PSMF1: variants seen among roughly 807,000 people sequenced by gnomAD.
PSMF1 encodes proteasome inhibitor PI31 subunit.
In PSMF1, 30 loss-of-function variants were observed where a neutral mutation model predicts 29.3. The ratio of observed to expected loss-of-function variants is 1.02; its 90% CI spans 0.77 to 1.39. The LOEUF (loss-of-function observed/expected upper bound fraction) is 1.39. PSMF1 is among the 40% of genes most tolerant of loss of function. The probability of loss-of-function intolerance (pLI) is 0.00; values close to 1 mark genes in which losing one functional copy is unlikely to be tolerated. For synonymous variants in PSMF1, 134 were observed against 139.7 expected, an observed-to-expected ratio of 0.96 and a Z score of 0.29; for missense variants, 344 against 357.5, an observed-to-expected ratio of 0.96 and a Z score of 0.31.
At position 1,164,235 on chromosome 20, in the gene PSMF1, T is replaced by C; in HGVS notation, c.606-83T>C. ...TCCAGAGTAGACATCCCAGCCATTC[T>C]TGGTGCATTGTAACCTCCCTCGCCT... On this transcript the variant is annotated intron_variant, in intron 5 of 6. Coordinates refer to ENST00000335877, the MANE Select transcript of PSMF1 (RefSeq NM_006814.5). The surrounding 1 kb of genome is among the most constrained non-coding windows in gnomAD (Gnocchi z 4.1). The C allele has an allele frequency of 1.5e-6, 2 of 1,377,434 alleles. No homozygotes were observed. The highest frequency in any genetic ancestry group is 1.0e-6 in the Non-Finnish European group (1 of 970,662). 85.3% of individuals were successfully genotyped at this position (1,377,434 alleles called of 1,614,324 possible).
chr20:1,118,843 T>A lies in PSMF1; in HGVS notation c.70T>A (p.Cys24Ser). The change falls in exon 1 of 7, where the codon TGC becomes AGC. Residue 24 changes from cysteine (C) to serine (S), a missense_variant. Coordinates refer to ENST00000335877, the MANE Select transcript of PSMF1 (RefSeq NM_006814.5). ...CACCTGCAGGCAGGACGCGCTCGTC[T>A]GCTTCTTGCATTGGGAAGTGGTGAC... ...AITCRQDALV[C>S]FLHWEVVTHG... The A allele has an allele frequency of 6.2e-7, 1 of 1,613,956 alleles. No individual in the cohort carries two copies. Among genetic ancestry groups the A allele is most frequent in the Non-Finnish European group, 8.5e-7 (1 of 1,179,788 alleles).
intron 4 of PSMF1, among the ~76,000 whole-genome samples, chr20:1,139,206 A>G (rs767770021): frequency 3.3e-5 from 5 of 152,130 alleles, no homozygotes; most frequent in African/African-American, 4.8e-5. Flanking sequence ...ACAACAAAAA[A>G]CAACAATAGA....
chr20:1,113,718 C>T (rs1323360353), upstream of PSMF1, among the ~76,000 whole-genome samples: 1 of 151,762 alleles, frequency 6.6e-6, no homozygotes, highest in African/African-American at 2.4e-5. Flanking sequence ...TTTGAGACGG[C>T]GTCTCGCTCT....
intron 4 of PSMF1, among the ~76,000 whole-genome samples, chr20:1,136,702 A>T (rs2086311639): frequency 6.6e-6 from 1 of 152,234 alleles, no homozygotes; most frequent in South Asian, 2.1e-4. Context: ...TGTATGTGGA[A>T]TTATCTTGAA....
chr20:1,118,836 G>T lies in PSMF1; in HGVS notation c.63G>T (p.Ala21=), dbSNP rs762508819. The T allele has an allele frequency of 2.1e-5, 34 of 1,613,496 alleles. No individual in the cohort carries two copies. The highest frequency in any genetic ancestry group is 2.9e-5 in the Non-Finnish European group (34 of 1,179,548). ...CGGCCATCACCTGCAGGCAGGACGC[G>T]CTCGTCTGCTTCTTGCATTGGGAAG... ...AAPAITCRQD[A]LVCFLHWEVV... The change falls in exon 1 of 7, where the codon GCG becomes GCT. Residue 21 remains alanine (A), a synonymous_variant. Coordinates refer to ENST00000335877, the MANE Select transcript of PSMF1 (RefSeq NM_006814.5).
At position 1,166,238 on chromosome 20, in the gene PSMF1, A is replaced by C. The variant is rs762146678; in HGVS notation, c.*1158A>C. 6.2e-7 allele frequency: 1 copy of C among 1,612,406 alleles called. No homozygotes were observed. On this transcript the variant is annotated 3_prime_UTR_variant, in exon 7 of 7. Transcript: ENST00000335877. Reference sequence around the variant, plus strand: ...CGGATCCTTTTCAGCCCGAGGCCTGACAGACGCGGGCAGTGATGAGCCCTG... The same window carrying C: ...CGGATCCTTTTCAGCCCGAGGCCTGCCAGACGCGGGCAGTGATGAGCCCTG...
chr20:1,139,459 C>T (rs957607002), intron 4 of PSMF1, among the ~76,000 whole-genome samples: 8 of 152,050 alleles, frequency 5.3e-5, no homozygotes, highest in African/African-American at 1.4e-4. Context: ...TTGTCAATGA[C>T]GTGATATCTT....
chr20:1,154,028 T>A (rs1167723682), intron 4 of PSMF1, among the ~76,000 whole-genome samples: 1 of 152,236 alleles, frequency 6.6e-6, no homozygotes, highest in Non-Finnish European at 1.5e-5. Context: ...AGTAAATTTT[T>A]AAAATTTGCT....
At chr20:1,145,973 CTG>C (rs1339727666) in intron 4 of PSMF1, among the ~76,000 whole-genome samples, 1 of 152,132 alleles carries the variant, frequency 6.6e-6, no homozygotes, top group East Asian at 1.9e-4. Context: ...TTTCTTTGCT[CTG>C]TGTTTTCACC....
At position 1,119,003 on chromosome 20, in the gene PSMF1, C is replaced by T. The variant is rs2086047653; in HGVS notation, c.129+101C>T. ...AGAGCGCCCGATTTCCCCGCTTCTC[C>T]CAGTGCAGGGTCTGGGGCAGATGGC... On this transcript the variant is annotated intron_variant, in intron 1 of 6. Coordinates refer to ENST00000335877, the MANE Select transcript of PSMF1 (RefSeq NM_006814.5). The T allele has an allele frequency of 5.4e-6, 8 of 1,475,660 alleles. No individual in the cohort carries two copies. In the South Asian group the frequency reaches 1.0e-4, roughly 18 times the overall value. 91.4% of individuals were successfully genotyped at this position (1,475,660 alleles called of 1,614,324 possible).
chr20:1,138,383 G>T (rs1600153884), intron 4 of PSMF1, among the ~76,000 whole-genome samples: 1 of 152,072 alleles, frequency 6.6e-6, no homozygotes, highest in African/African-American at 2.4e-5. Context: ...GAGGCCAGGC[G>T]CCCGGTGGCT....
chr20:1,163,297 G>A lies in PSMF1; in HGVS notation c.605+114G>A, dbSNP rs1220186570. ...CAGTCTCTTCCTTTGGGGTGGAGGAGGCAGTTGTTGCTGAGCAGCTGAGAA... is the reference window on the plus strand; with the variant it reads ...CAGTCTCTTCCTTTGGGGTGGAGGAAGCAGTTGTTGCTGAGCAGCTGAGAA... On this transcript the variant is annotated intron_variant, in intron 5 of 6. Coordinates refer to ENST00000335877, the MANE Select transcript of PSMF1 (RefSeq NM_006814.5). The surrounding 1 kb of genome is among the most constrained non-coding windows in gnomAD (Gnocchi z 6.1). 2 of 1,215,570 alleles carry A rather than the reference G, an allele frequency of 1.6e-6. No homozygotes were observed. The highest frequency in any genetic ancestry group is 2.4e-6 in the Non-Finnish European group (2 of 846,542). The allele number at this position is 1,215,570 out of a possible 1,614,324, so 75.3% of individuals were successfully genotyped here.
chr20:1,125,513 A>G lies in PSMF1; in HGVS notation c.145A>G (p.Lys49Glu), dbSNP rs1332773831. The change falls in exon 2 of 7, where the codon AAG becomes GAG. Residue 49 changes from lysine (K) to glutamate (E), a missense_variant. Lys to Glu is a moderately conservative substitution (Grantham distance 56). Coordinates refer to ENST00000335877, the MANE Select transcript of PSMF1 (RefSeq NM_006814.5). ...GTCTTCCCAGCCGGGTCCCAATGAT[A>G]AGAAGTCAGAACTGCTGCCAGCTGG... Reference protein sequence around the residue: ...GVGDQPGPNDKKSELLPAGWN... With the variant: ...GVGDQPGPNDEKSELLPAGWN... 8.7e-6 allele frequency: 14 copies of G among 1,609,868 alleles called. No individual in the cohort carries two copies. The highest frequency in any genetic ancestry group is 1.3e-5 in the African/African-American group (1 of 74,744).
At chr20:1,156,348 A>AAAGAAAGT (rs1457853922) in intron 4 of PSMF1, among the ~76,000 whole-genome samples, 2 of 152,206 alleles carry the variant, frequency 1.3e-5, no homozygotes, top group Non-Finnish European at 2.9e-5. Flanking sequence ...AGAAGTCTTT[A>AAAGAAAGT]AAGAAAGTAA....
In PSMF1 at chr20:1,127,467, G is replaced by C. The variant is rs774126130; in HGVS notation, c.324G>C (p.Leu108Phe). The C allele has an allele frequency of 6.2e-7, 1 of 1,609,108 alleles. No homozygotes were observed. The highest frequency in any genetic ancestry group is 8.5e-7 in the Non-Finnish European group (1 of 1,175,398). Residue 108 changes from leucine to phenylalanine, a missense_variant, in exon 3 of 7, where the codon TTG becomes TTC. Coordinates refer to ENST00000335877, the MANE Select transcript of PSMF1 (RefSeq NM_006814.5). The part of the protein sequence containing the change: ...SQQVADLTLN[L>F]DDYIDAEHLG... ...AAGTGGCAGACTTGACCCTGAACTTGGATGATTATATCGATGCAGAACACC... is the reference window on the plus strand; with the variant it reads ...AAGTGGCAGACTTGACCCTGAACTTCGATGATTATATCGATGCAGAACACC...
intron 3 of PSMF1, among the ~76,000 whole-genome samples, chr20:1,130,454 T>G (rs76987493): frequency 0.012 from 1,839 of 152,298 alleles, 42 homozygotes; most frequent in African/African-American, 0.041. Context: ...CCCGCATCCC[T>G]GTGCTTCAGC....
chr20:1,155,130 CT>C (rs2086577460), intron 4 of PSMF1, among the ~76,000 whole-genome samples: 1 of 152,200 alleles, frequency 6.6e-6, no homozygotes, highest in African/African-American at 2.4e-5. Context: ...CGTTGTTCCC[CT>C]CTGATATCCT....
chr20:1,163,488 A>C lies in PSMF1; in HGVS notation c.605+305A>C, dbSNP rs1310726495. 1.3e-5 allele frequency among the ~76,000 whole-genome samples: 2 copies of C among 152,162 alleles called. No homozygotes were observed. Among genetic ancestry groups the C allele is most frequent in the Non-Finnish European group, 1.5e-5 (1 of 68,018 alleles). ...TAGTGAGGAGCACATGGTGGGCCTT[A>C]GGGCAGCTCAGGGCTATTCAGAGGT... On this transcript the variant is annotated intron_variant, in intron 5 of 6. Coordinates refer to ENST00000335877, the MANE Select transcript of PSMF1 (RefSeq NM_006814.5). The surrounding 1 kb of genome is among the most constrained non-coding windows in gnomAD (Gnocchi z 6.1).
chr20:1,132,241 C>CTTTTCTTTTTTTTCTT (rs2086239197), intron 3 of PSMF1, among the ~76,000 whole-genome samples: 3 of 151,472 alleles, frequency 2.0e-5, no homozygotes, highest in Non-Finnish European at 4.4e-5. Context: ...GGTTCTGTGC[C>CTTTTCTTTTTTTTCTT]TTTTCTTTTT....
Sources: allele counts gnomAD v4.1 joint callset (sites outside exome capture counted in the v4.1 genomes callset), GRCh38; gene constraint gnomAD v4.1.1; non-coding constraint Gnocchi (gnomAD v3.1); transcripts MANE v1.5; gene names NCBI Gene and HGNC (gene_info 2026-07-23, HGNC 2026-07-21).